RELN: variants seen among roughly 807,000 people sequenced by gnomAD.
RELN encodes the protein reelin.
Under a neutral mutation model 427.6 loss-of-function variants are expected in RELN, and 108 were observed. The ratio of observed to expected loss-of-function variants is 0.25; its 90% confidence interval spans 0.22 to 0.30. The LOEUF (loss-of-function observed/expected upper bound fraction) is 0.30, where lower values mean the gene tolerates loss of function less well. Ranked by LOEUF, RELN falls within the 10% of genes least tolerant of loss-of-function variation. RELN has a pLI of 1.00. For missense variants in RELN, 3,715 were observed against 4,302.8 expected, an observed-to-expected ratio of 0.86 and a Z score of 3.82; for synonymous variants, 1,524 against 1,513.4, an observed-to-expected ratio of 1.01 and a Z score of -0.16.
chr7:103,754,985 A>G (rs576522689), intron 4 of RELN, among the ~76,000 whole-genome samples: 2 of 152,188 alleles, frequency 1.3e-5, no homozygotes, highest in Non-Finnish European at 2.9e-5. Context: ...CCTGCTATTA[A>G]GGCACTGTGC....
At chr7:103,572,526 A>T (rs1830905642) in intron 30 of RELN, among the ~76,000 whole-genome samples, 1 of 151,944 alleles carries the variant, frequency 6.6e-6, no homozygotes, top group Non-Finnish European at 1.5e-5. Context: ...CTTCATTGTG[A>T]CAGTCTGTTA....
At chr7:103,762,455 C>A (rs562964690) in intron 4 of RELN, among the ~76,000 whole-genome samples, 1 of 152,082 alleles carries the variant, frequency 6.6e-6, no homozygotes, top group Non-Finnish European at 1.5e-5. Context: ...GGAAAGGGTC[C>A]CTTTTGGGGA....
chr7:103,918,258 C>T (rs1795532604), intron 1 of RELN, among the ~76,000 whole-genome samples: 1 of 152,144 alleles, frequency 6.6e-6, no homozygotes. Context: ...CATCCTTTAA[C>T]AAGAAATAAT....
chr7:103,503,597 C>G (rs17152211), intron 51 of RELN, among the ~76,000 whole-genome samples: 18,555 of 152,152 alleles, frequency 0.12, 1,202 homozygotes, highest in African/African-American at 0.16. Context: ...TAGCTAACAG[C>G]TTTACCAATT....
At chr7:103,591,552 T>C (rs1831416308) in intron 27 of RELN, among the ~76,000 whole-genome samples, 1 of 152,214 alleles carries the variant, frequency 6.6e-6, no homozygotes, top group South Asian at 2.1e-4. Context: ...AAGAATATAA[T>C]TAAAAACTTA....
chr7:103,772,298 A>G (rs1467673361), intron 4 of RELN, among the ~76,000 whole-genome samples: 3 of 147,904 alleles, frequency 2.0e-5, no homozygotes, highest in African/African-American at 7.7e-5. Flanking sequence ...GACAACATGC[A>G]ATAAATAGTT....
At chr7:103,697,172 G>A (rs1399453619) in intron 10 of RELN, among the ~76,000 whole-genome samples, 2 of 152,216 alleles carry the variant, frequency 1.3e-5, no homozygotes, top group Non-Finnish European at 2.9e-5. Context: ...GGTTCTCAAT[G>A]TGCTCTCTGG....
chr7:103,588,088 C>A (rs756104796), intron 28 of RELN, among the ~76,000 whole-genome samples: 2 of 152,234 alleles, frequency 1.3e-5, no homozygotes, highest in East Asian at 1.9e-4. Context: ...CCTGCACTTT[C>A]GTGTTTATTG....
chr7:103,502,262 GTAA>G (rs146215793), intron 52 of RELN, among the ~76,000 whole-genome samples: 23 of 151,812 alleles, frequency 1.5e-4, no homozygotes, highest in African/African-American at 3.1e-4. Flanking sequence ...ACCCTGAGTG[GTAA>G]TAATAATAAT....
At chr7:103,906,855 C>G (rs1795217710) in intron 2 of RELN, among the ~76,000 whole-genome samples, 1 of 152,186 alleles carries the variant, frequency 6.6e-6, no homozygotes, top group African/African-American at 2.4e-5. Flanking sequence ...ATCTGAGCCA[C>G]AGAACAGGCT....
chr7:103,567,731 G>T (rs1830788768), intron 31 of RELN, among the ~76,000 whole-genome samples: 1 of 151,014 alleles, frequency 6.6e-6, no homozygotes, highest in South Asian at 2.1e-4. Context: ...ACTATTTTTT[G>T]AGTATTCATA....
chr7:103,747,919 T>C (rs762181056), intron 6 of RELN, among the ~76,000 whole-genome samples: 1 of 151,540 alleles, frequency 6.6e-6, no homozygotes, highest in African/African-American at 2.4e-5. Context: ...GAAAAATCAA[T>C]CACATTTTAT....
intron 1 of RELN, among the ~76,000 whole-genome samples, chr7:103,922,503 ATC>A (rs1294882868): frequency 6.6e-6 from 1 of 152,162 alleles, no homozygotes; most frequent in Non-Finnish European, 1.5e-5. Flanking sequence ...TCTCTTCCAC[ATC>A]TGTGTTAAAT....
At chr7:103,847,344 C>G (rs1793704898) in intron 2 of RELN, among the ~76,000 whole-genome samples, 1 of 152,128 alleles carries the variant, frequency 6.6e-6, no homozygotes, top group Non-Finnish European at 1.5e-5. Flanking sequence ...CATGTTCTCA[C>G]TCATAAGTGG....
At chr7:103,727,381 A>G (rs1467728061) in intron 7 of RELN, among the ~76,000 whole-genome samples, 1 of 152,112 alleles carries the variant, frequency 6.6e-6, no homozygotes, top group Admixed American at 6.6e-5. Flanking sequence ...GGATATAACA[A>G]TTGCTTTTAT....
chr7:103,612,540 G>T (rs1011532438), intron 20 of RELN, among the ~76,000 whole-genome samples: 1 of 152,122 alleles, frequency 6.6e-6, no homozygotes, highest in Admixed American at 6.6e-5. Flanking sequence ...CTCCCAAGGT[G>T]CTGGGATTAT....
chr7:103,527,320 T>C (rs1210215932), intron 46 of RELN, among the ~76,000 whole-genome samples: 1 of 152,206 alleles, frequency 6.6e-6, no homozygotes, highest in African/African-American at 2.4e-5. Flanking sequence ...ACATAAAATA[T>C]TTAAGCCTAG....
intron 27 of RELN, 102 bp downstream of exon 27, chr7:103,593,580 A>G (rs1831469895): frequency 2.0e-6 from 2 of 1,016,800 alleles, no homozygotes; most frequent in Non-Finnish European, 3.1e-6. Context: ...TCCCTTCTTT[A>G]ATAGAATATG....
chr7:103,957,190 C>T (rs954544039), intron 1 of RELN, among the ~76,000 whole-genome samples: 1 of 116,002 alleles, frequency 8.6e-6, no homozygotes, highest in Non-Finnish European at 1.7e-5. Flanking sequence ...GAGAGTGCTA[C>T]ACTAACATCT....
Sources: gnomAD v4.1 joint callset for allele counts (sites outside exome capture counted in the v4.1 genomes callset) on GRCh38, gnomAD v4.1.1 for gene constraint, MANE v1.5 for transcripts, NCBI Gene and HGNC (gene_info 2026-07-23, HGNC 2026-07-21) for gene names.